The following CACNA1H variants were observed in gnomAD, a reference collection of about 807,000 sequenced individuals.
CACNA1H encodes calcium voltage-gated channel subunit alpha1 H, also known as voltage-dependent T-type calcium channel subunit alpha-1H.
A neutral mutation model predicts 192.5 loss-of-function variants in CACNA1H; 149 were observed. That is an observed-to-expected ratio of 0.77 (90% confidence interval 0.68 to 0.89). CACNA1H has a LOEUF of 0.89. Ranked by LOEUF, CACNA1H falls within the 40% of genes least tolerant of loss-of-function variation. The probability of loss-of-function intolerance (pLI) is 0.00; values close to 1 mark genes in which losing one functional copy is unlikely to be tolerated. For missense variants in CACNA1H, 4,257 were observed against 3,423.5 expected, an observed-to-expected ratio of 1.24 and a Z score of -6.08; for synonymous variants, 2,202 against 1,475.2, an observed-to-expected ratio of 1.49 and a Z score of -11.29.
chr16:1,204,515 A>T, intron 10 of CACNA1H, 57 bp downstream of exon 10: 1 of 1,385,140 alleles, frequency 7.2e-7, no homozygotes, highest in Non-Finnish European at 9.8e-7. Context: ...GGGCCTGGGG[A>T]GTCTCAGGAG....
chr16:1,219,224 A>G (rs1358301110), intron 34 of CACNA1H, 94 bp downstream of exon 34: 3 of 1,276,458 alleles, frequency 2.4e-6, no homozygotes, highest in Admixed American at 2.7e-5. Flanking sequence ...AGACGAGGAC[A>G]AGGCAGGAGG....
chr16:1,155,236 G>C (rs1259040371), intron 2 of CACNA1H, among the ~76,000 whole-genome samples: 1 of 152,228 alleles, frequency 6.6e-6, no homozygotes, highest in African/African-American at 2.4e-5. Flanking sequence ...GGTCCCGGGG[G>C]CAGCCGGCCC....
chr16:1,205,297 G>A (rs1968551924), intron 11 of CACNA1H, 32 bp downstream of exon 11: 2 of 1,573,892 alleles, frequency 1.3e-6, no homozygotes, highest in Non-Finnish European at 1.7e-6. Context: ...AGGAAGAGGG[G>A]CCCGGGAAGC....
chr16:1,172,922 C>G (rs1280442837), intron 2 of CACNA1H, among the ~76,000 whole-genome samples: 1 of 150,134 alleles, frequency 6.7e-6, no homozygotes, highest in African/African-American at 2.4e-5. Flanking sequence ...GGCCCTAAGC[C>G]TTGTTGGTCC....
intron 2 of CACNA1H, among the ~76,000 whole-genome samples, chr16:1,172,576 C>T (rs1964474941): frequency 6.6e-6 from 1 of 152,200 alleles, no homozygotes; most frequent in Non-Finnish European, 1.5e-5. Flanking sequence ...GGGTAGTCTG[C>T]ACTCCACACC....
chr16:1,163,436 C>T (rs911474762), intron 2 of CACNA1H, among the ~76,000 whole-genome samples: 7 of 152,246 alleles, frequency 4.6e-5, no homozygotes, highest in Admixed American at 2.0e-4. Context: ...GGCCTGTGCC[C>T]AGCCCCCTCT....
chr16:1,186,384 G>T (rs927074840), intron 2 of CACNA1H, among the ~76,000 whole-genome samples: 1 of 152,056 alleles, frequency 6.6e-6, no homozygotes, highest in African/African-American at 2.4e-5. Flanking sequence ...TGGACGTTTC[G>T]CTTTCGTAAT....
chr16:1,208,352 TGAGA>T (rs1277281362), intron 16 of CACNA1H, 131 bp downstream of exon 16: 1 of 695,498 alleles, frequency 1.4e-6, no homozygotes, highest in Non-Finnish European at 2.5e-6. Context: ...GTGCAGAGAC[TGAGA>T]AAGAGTGTTC....
intron 2 of CACNA1H, among the ~76,000 whole-genome samples, chr16:1,177,744 G>A (rs1388744527): frequency 2.0e-5 from 3 of 151,882 alleles, no homozygotes; most frequent in African/African-American, 4.8e-5. Context: ...GGGTGCAGAC[G>A]CCTGCTTCTG....
rs1368744969 is a variant in CACNA1H at position 1,167,532 on chromosome 16, C to T, written c.299+13496C>T. On this transcript the variant is annotated intron_variant, in intron 2 of 34. Coordinates refer to ENST00000348261, the MANE Select transcript of CACNA1H (RefSeq NM_021098.3). The surrounding 1 kb of genome is among the most constrained non-coding windows in gnomAD (Gnocchi z 4.2). ...GTTGCTAATGAATCTCTGGGGTTTCCTGTTACCTTTGCCAAGTCGAGGAAG... is the reference window on the plus strand; with the variant it reads ...GTTGCTAATGAATCTCTGGGGTTTCTTGTTACCTTTGCCAAGTCGAGGAAG... 1.3e-5 allele frequency among the ~76,000 whole-genome samples: 2 copies of T among 152,164 alleles called. No individual in the cohort carries two copies. The highest frequency in any genetic ancestry group is 2.1e-4 in the South Asian group (1 of 4,822).
chr16:1,219,971 G>GC lies in CACNA1H; in HGVS notation c.6049-5dup. On this transcript the variant is annotated splice_polypyrimidine_tract_variant and intron_variant, in intron 34 of 34. Transcript: ENST00000348261. ...GCCCCGCCCCTCACTTTGACTCTAC[G>GC]CCCCCACAGGAGGCTGTGCACACCG... The GC allele has an allele frequency of 7.8e-7, 1 of 1,289,450 alleles. No homozygotes were observed. Among genetic ancestry groups the GC allele is most frequent in the Non-Finnish European group, 9.9e-7 (1 of 1,012,862 alleles). 79.9% of individuals were successfully genotyped at this position (1,289,450 alleles called of 1,614,324 possible).
intron 2 of CACNA1H, among the ~76,000 whole-genome samples, chr16:1,162,375 C>T (rs767546755): frequency 6.6e-6 from 1 of 151,890 alleles, no homozygotes; most frequent in Non-Finnish European, 1.5e-5. Flanking sequence ...CACCTGTGGG[C>T]CCCCCCGGAG....
At position 1,162,955 on chromosome 16, in the gene CACNA1H, G is replaced by A. The variant is rs564519909; in HGVS notation, c.299+8919G>A. On this transcript the variant is annotated intron_variant, in intron 2 of 34. Coordinates refer to ENST00000348261, the MANE Select transcript of CACNA1H (RefSeq NM_021098.3). ...CCACTCCACGGGTGCCTGGCCCTGCGGCCACGCGGAGCTATCCTTGGCTCC... is the reference window on the plus strand; with the variant it reads ...CCACTCCACGGGTGCCTGGCCCTGCAGCCACGCGGAGCTATCCTTGGCTCC... Among the ~76,000 whole-genome samples, 5 of 152,372 alleles carry A rather than the reference G, an allele frequency of 3.3e-5. No homozygotes were observed. In the East Asian group the frequency reaches 5.8e-4, roughly 18 times the overall value.
At chr16:1,179,386 G>T (rs557498887) in intron 2 of CACNA1H, among the ~76,000 whole-genome samples, 1 of 152,136 alleles carries the variant, frequency 6.6e-6, no homozygotes. Flanking sequence ...TCCTGCCCCC[G>T]CGAGGTTGGG....
chr16:1,215,236 A>C lies in CACNA1H; in HGVS notation c.5040-6A>C, dbSNP rs1315315870. The C allele has an allele frequency of 6.3e-7, 1 of 1,599,942 alleles. No homozygotes were observed. Among genetic ancestry groups the C allele is most frequent in the African/African-American group, 1.3e-5 (1 of 74,660 alleles). On this transcript the variant is annotated splice_polypyrimidine_tract_variant and splice_region_variant and intron_variant, in intron 28 of 34. Coordinates refer to ENST00000348261, the MANE Select transcript of CACNA1H (RefSeq NM_021098.3). ...AGACGTGTGCGCTGAGCCTCCGGCCACACAGGTGGAACCAGCTGGACCTGG... is the reference window on the plus strand; with the variant it reads ...AGACGTGTGCGCTGAGCCTCCGGCCCCACAGGTGGAACCAGCTGGACCTGG...
At chr16:1,200,662 C>CAGG in intron 7 of CACNA1H, 54 bp from the exon 8 acceptor site, 1 of 1,570,036 alleles carries the variant, frequency 6.4e-7, no homozygotes, top group South Asian at 1.1e-5. Context: ...CCCAGGGGCA[C>CAGG]GGGGAGGAGG....
At chr16:1,179,074 C>T (rs972644042) in intron 2 of CACNA1H, among the ~76,000 whole-genome samples, 2 of 152,088 alleles carry the variant, frequency 1.3e-5, no homozygotes, top group East Asian at 1.9e-4. Context: ...CAGGCTGTGG[C>T]GGGTGTAGGG....
chr16:1,219,039 C>CG lies in CACNA1H; in HGVS notation c.5958dup (p.Ser1987ValfsTer43). On this transcript the variant is annotated frameshift_variant, in exon 34 of 35. Transcript: ENST00000348261. LOFTEE classifies it high-confidence loss of function. ...TCCCTCCAGATCCCATTGGCTGTGT[C>CG]GTCCCCAGCCAGGAGCGGCGAGCCC... 6.5e-7 allele frequency: 1 copy of CG among 1,549,880 alleles called. No homozygotes were observed. The highest frequency in any genetic ancestry group is 1.2e-5 in the South Asian group (1 of 84,062).
Position 1,217,974 on chromosome 16 carries a change from C to T in CACNA1H, c.5379C>T (p.Asn1793=), listed in dbSNP as rs1970170442. ...EGLSRHATFS[N]FGMAFLTLFR... ...TGAGCAGGCACGCCACCTTCAGCAA[C>T]TTCGGCATGGCCTTCCTCACGCTGT... Residue 1793 remains asparagine, a synonymous_variant, in exon 32 of 35, where the codon AAC becomes AAT. Transcript: ENST00000348261. 1 of 1,605,520 alleles carries T rather than the reference C, an allele frequency of 6.2e-7. No homozygotes were observed. Among genetic ancestry groups the T allele is most frequent in the East Asian group, 2.2e-5 (1 of 44,474 alleles).
Sources: allele counts gnomAD v4.1 joint callset (sites outside exome capture counted in the v4.1 genomes callset), GRCh38; gene constraint gnomAD v4.1.1; non-coding constraint Gnocchi (gnomAD v3.1); transcripts MANE v1.5; gene names NCBI Gene and HGNC (gene_info 2026-07-23, HGNC 2026-07-21).